PLG: variants seen among roughly 807,000 people sequenced by gnomAD.
PLG encodes the protein plasminogen, also known as plasmin.
Under a neutral mutation model 104.4 loss-of-function variants are expected in PLG, and 41 were observed. That is an observed-to-expected ratio of 0.39 (90% CI 0.31 to 0.51). The LOEUF (loss-of-function observed/expected upper bound fraction) is 0.51, where lower values mean the gene tolerates loss of function less well. PLG is among the 20% of genes least tolerant of loss of function. PLG has a pLI of 0.76. For missense variants in PLG, 891 were observed against 1,003.6 expected, an observed-to-expected ratio of 0.89 and a Z score of 1.52; for synonymous variants, 337 against 357.1, an observed-to-expected ratio of 0.94 and a Z score of 0.63.
At chr6:160,747,083 C>G (rs1206916647) in intron 17 of PLG, among the ~76,000 whole-genome samples, 1 of 152,180 alleles carries the variant, frequency 6.6e-6, no homozygotes, top group Non-Finnish European at 1.5e-5. Flanking sequence ...TTTCTTAACA[C>G]AATGTAAAAC....
Position 160,752,349 on chromosome 6 carries a change from C to A in PLG, c.2271+89C>A. ...GACTTCATTCCCCAGGTGGCAAATTCAAGGATTTTCAACCGAAGACCCCAG... is the reference window on the plus strand; with the variant it reads ...GACTTCATTCCCCAGGTGGCAAATTAAAGGATTTTCAACCGAAGACCCCAG... On this transcript the variant is annotated intron_variant, in intron 18 of 18. Transcript: ENST00000308192. This position sits in a 1 kb window ranked among gnomAD's most constrained non-coding sequence, Gnocchi z 4.7. 2 of 1,228,692 alleles carry A rather than the reference C, an allele frequency of 1.6e-6. No individual in the cohort carries two copies. Among genetic ancestry groups the A allele is most frequent in the Non-Finnish European group, 2.4e-6 (2 of 832,964 alleles). The allele number at this position is 1,228,692 out of a possible 1,614,324, so 76.1% of individuals were successfully genotyped here.
At chr6:160,722,652 C>A in intron 10 of PLG, 85 bp downstream of exon 10, 3 of 1,220,732 alleles carry the variant, frequency 2.5e-6, no homozygotes, top group Admixed American at 1.7e-5. Flanking sequence ...TTCAAGCCAA[C>A]TTCCTAGGAC....
chr6:160,713,220 T>A, intron 5 of PLG, 95 bp downstream of exon 5: 1 of 983,302 alleles, frequency 1.0e-6, no homozygotes, highest in Non-Finnish European at 1.6e-6. Context: ...TTATTAATAA[T>A]TGAGTAACGT....
rs558849463 is a variant in PLG, at chr6:160,737,729, T to C, written c.1802+722T>C. 6.6e-5 allele frequency among the ~76,000 whole-genome samples: 10 copies of C among 152,330 alleles called. No homozygotes were observed. Among genetic ancestry groups the C allele is most frequent in the African/African-American group, 2.4e-4 (10 of 41,588 alleles). Reference sequence around the variant, plus strand: ...CCTGTGCTCAATTGCTGTTTTCCCCTAAAGAGACTCTTTTCCATAAGTTTG... The same window carrying C: ...CCTGTGCTCAATTGCTGTTTTCCCCCAAAGAGACTCTTTTCCATAAGTTTG... On this transcript the variant is annotated intron_variant, in intron 14 of 18. Transcript: ENST00000308192. The surrounding 1 kb of genome is among the most constrained non-coding windows in gnomAD (Gnocchi z 4.7).
chr6:160,735,253 C>G lies in PLG; in HGVS notation c.1681+1165C>G, dbSNP rs1778068444. Reference sequence around the variant, plus strand: ...GGCCCCATCTGGTACACACCACTGCCTCTCACTGCCCGGGCTCTCTATCCT... The same window carrying G: ...GGCCCCATCTGGTACACACCACTGCGTCTCACTGCCCGGGCTCTCTATCCT... On this transcript the variant is annotated intron_variant, in intron 13 of 18. Coordinates refer to ENST00000308192, the MANE Select transcript of PLG (RefSeq NM_000301.5). The surrounding 1 kb of genome is among the most constrained non-coding windows in gnomAD (Gnocchi z 5.4). Among the ~76,000 whole-genome samples the G allele has an allele frequency of 6.6e-6, 1 of 152,146 alleles. No homozygotes were observed. The highest frequency in any genetic ancestry group is 6.5e-5 in the Admixed American group (1 of 15,274).
chr6:160,731,522 G>A lies in PLG; in HGVS notation c.1439-223G>A, dbSNP rs749576462. On this transcript the variant is annotated intron_variant, in intron 11 of 18. Coordinates refer to ENST00000308192, the MANE Select transcript of PLG (RefSeq NM_000301.5). The surrounding 1 kb of genome is among the most constrained non-coding windows in gnomAD (Gnocchi z 5.1). ...TATCTCAGTATCCCAGTCCAAATTC[G>A]TATTCTATCATGCTGCCATATGTGT... 2.0e-5 allele frequency among the ~76,000 whole-genome samples: 3 copies of A among 152,122 alleles called. No individual in the cohort carries two copies. The highest frequency in any genetic ancestry group is 1.9e-4 in the East Asian group (1 of 5,186).
chr6:160,707,078 C>A (rs1777541116), intron 2 of PLG, among the ~76,000 whole-genome samples: 1 of 152,108 alleles, frequency 6.6e-6, no homozygotes. Context: ...GAGGTGGGAA[C>A]TGAGCTGGGT....
rs145192723 is a variant in PLG at position 160,714,828 on chromosome 6, C to G, written c.582C>G (p.Asp194Glu). 8 of 1,613,198 alleles carry G rather than the reference C, an allele frequency of 5.0e-6. No homozygotes were observed. Among genetic ancestry groups the G allele is most frequent in the Non-Finnish European group, 5.9e-6 (7 of 1,179,316 alleles). Residue 194 changes from aspartate to glutamate, a missense_variant, in exon 6 of 19, where the codon GAC becomes GAG. Physicochemically the swap from Asp to Glu is conservative, Grantham distance 45. This residue lies in a region of PLG where 854 missense variants were observed against 932.1 expected (regional missense o/e 0.92). Transcript: ENST00000308192. Reference protein sequence around the residue: ...ECMHCSGENYDGKISKTMSGL... With the variant: ...ECMHCSGENYEGKISKTMSGL... ...TGCATTGCAGTGGAGAAAACTATGACGGCAAAATTTCCAAGACCATGTCTG... is the reference window on the plus strand; with the variant it reads ...TGCATTGCAGTGGAGAAAACTATGAGGGCAAAATTTCCAAGACCATGTCTG...
Position 160,737,071 on chromosome 6 carries a change from C to T in PLG, c.1802+64C>T, listed in dbSNP as rs1002376517. On this transcript the variant is annotated intron_variant, in intron 14 of 18. Transcript: ENST00000308192. The surrounding 1 kb of genome is among the most constrained non-coding windows in gnomAD (Gnocchi z 4.7). ...ACGTAAGCCCTGCAAAACCCTTCTA[C>T]ATTTACATAAAATCCACACAGCTGA... The T allele has an allele frequency of 1.2e-6, 2 of 1,603,238 alleles. No homozygotes were observed. The highest frequency in any genetic ancestry group is 1.7e-6 in the Non-Finnish European group (2 of 1,174,438).
chr6:160,713,194 C>A, intron 5 of PLG, 69 bp downstream of exon 5: 1 of 1,199,580 alleles, frequency 8.3e-7, no homozygotes, highest in Non-Finnish European at 1.2e-6. Context: ...TTGTAAAGCC[C>A]CTTCCCACAG....
intron 17 of PLG, among the ~76,000 whole-genome samples, chr6:160,748,399 AGG>A (rs541827247): frequency 9.0e-5 from 2 of 22,130 alleles, no homozygotes; most frequent in African/African-American, 2.6e-4. Context: ...AAAGAAAGAA[AGG>A]AAGAAAGAAA....
At chr6:160,705,835 C>T (rs1477207834) in intron 1 of PLG, 1 of 153,440 alleles carries the variant, frequency 6.5e-6, no homozygotes, top group Non-Finnish European at 1.4e-5. Flanking sequence ...ACTGATGGTG[C>T]CTTACTCTTC....
Position 160,752,041 on chromosome 6 carries a change from C to G in PLG, c.2126-74C>G. 7.4e-7 allele frequency: 1 copy of G among 1,345,694 alleles called. No homozygotes were observed. Among genetic ancestry groups the G allele is most frequent in the South Asian group, 1.2e-5 (1 of 84,986 alleles). 83.4% of individuals were successfully genotyped at this position (1,345,694 alleles called of 1,614,324 possible). A position where few individuals can be genotyped will look rare whatever the true frequency, so the allele number is the denominator to read the frequency against. Reference sequence around the variant, plus strand: ...CTCACAGACAGGAGGTCCAGTGCCGCTGCTCTGTTCTGGAATATCCTCCTG... The same window carrying G: ...CTCACAGACAGGAGGTCCAGTGCCGGTGCTCTGTTCTGGAATATCCTCCTG... On this transcript the variant is annotated intron_variant, in intron 17 of 18. Transcript: ENST00000308192. The surrounding 1 kb of genome is among the most constrained non-coding windows in gnomAD (Gnocchi z 4.7).
At chr6:160,742,497 G>GT (rs199720182) in intron 17 of PLG, among the ~76,000 whole-genome samples, 72 of 149,220 alleles carry the variant, frequency 4.8e-4, no homozygotes, top group South Asian at 1.3e-3. Flanking sequence ...TTTTAATGGG[G>GT]TTTTTTTTTT....
In PLG at chr6:160,735,824, T is replaced by C. The variant is rs1467466655; in HGVS notation, c.1682-1063T>C. ...AGTACAACGATGCATGTCTACTGTA[T>C]GTAAGGCATACTAGCAGAAATTGAG... On this transcript the variant is annotated intron_variant, in intron 13 of 18. Transcript: ENST00000308192. The surrounding 1 kb of genome is among the most constrained non-coding windows in gnomAD (Gnocchi z 5.4). Among the ~76,000 whole-genome samples the C allele has an allele frequency of 6.6e-6, 1 of 152,220 alleles. No individual in the cohort carries two copies. Among genetic ancestry groups the C allele is most frequent in the Non-Finnish European group, 1.5e-5 (1 of 68,052 alleles).
Position 160,720,410 on chromosome 6 carries a change from C to CTTTTT in PLG, c.1096+1595_1096+1599dup, listed in dbSNP as rs3057066. Among the ~76,000 whole-genome samples the CTTTTT allele has an allele frequency of 5.5e-3, 323 of 58,552 alleles. 18 individuals are homozygous for CTTTTT. The highest frequency in any genetic ancestry group is 0.011 in the African/African-American group (141 of 12,940). 38.4% of individuals were successfully genotyped at this position (58,552 alleles called of 152,430 possible). On this transcript the variant is annotated intron_variant, in intron 9 of 18. Transcript: ENST00000308192. ...TCTTTTCTCTTTTTTCTTTTCTTTT[C>CTTTTT]TTTTTTTTTTTTTTTTTTTTTTTTT...
chr6:160,711,597 T>A, intron 4 of PLG: 2 of 1,610,254 alleles, frequency 1.2e-6, no homozygotes, highest in Non-Finnish European at 1.7e-6. Context: ...AAAGAATCTT[T>A]TTGATGTCGA....
At chr6:160,718,627 T>C (rs927435766) in intron 8 of PLG, 66 bp from the exon 9 acceptor site, 1 of 1,543,098 alleles carries the variant, frequency 6.5e-7, no homozygotes, top group Non-Finnish European at 9.0e-7. Flanking sequence ...ACGGTTGTTC[T>C]CAAAGCGTGG....
At position 160,732,933 on chromosome 6, in the gene PLG, G is replaced by T. The variant is rs1778021682; in HGVS notation, c.1587+1040G>T. On this transcript the variant is annotated intron_variant, in intron 12 of 18. Transcript: ENST00000308192. This position sits in a 1 kb window ranked among gnomAD's most constrained non-coding sequence, Gnocchi z 4.5. ...ACAGTTGAATACATCGTTGGCCATT[G>T]GAGACCAGCTCACCTTCAGCTCCTG... Among the ~76,000 whole-genome samples, 1 of 152,062 alleles carries T rather than the reference G, an allele frequency of 6.6e-6. No homozygotes were observed. Among genetic ancestry groups the T allele is most frequent in the African/African-American group, 2.4e-5 (1 of 41,400 alleles).
Sources: allele counts gnomAD v4.1 joint callset (sites outside exome capture counted in the v4.1 genomes callset), GRCh38; gene constraint gnomAD v4.1.1; regional missense constraint gnomAD v4.1.1; non-coding constraint Gnocchi (gnomAD v3.1); transcripts MANE v1.5; gene names NCBI Gene and HGNC (gene_info 2026-07-23, HGNC 2026-07-21).